MCTP2: variants seen among roughly 807,000 people sequenced by gnomAD.
MCTP2 encodes multiple C2 and transmembrane domain-containing protein 2.
In MCTP2, 132 loss-of-function variants were observed where a neutral mutation model predicts 111.6. The ratio of observed to expected loss-of-function variants is 1.18; its 90% confidence interval spans 1.03 to 1.37. The LOEUF is 1.37. Among genes scored for constraint, MCTP2 ranks in the 40% most tolerant of loss-of-function variants. The pLI is 0.00. For synonymous variants in MCTP2, 395 were observed against 387.7 expected, an observed-to-expected ratio of 1.02 and a Z score of -0.22; for missense variants, 1,183 against 1,067.9, an observed-to-expected ratio of 1.11 and a Z score of -1.50.
Position 94,356,045 on chromosome 15 carries a change from T to A in MCTP2, c.1006-92T>A, listed in dbSNP as rs2078604145. 1.5e-5 allele frequency: 21 copies of A among 1,406,572 alleles called. No homozygotes were observed. The South Asian group carries it at 4.0e-4, about 27-fold the overall frequency. The allele number at this position is 1,406,572 out of a possible 1,614,324, so 87.1% of individuals were successfully genotyped here. On this transcript the variant is annotated intron_variant, in intron 8 of 22. Transcript: ENST00000357742. ...AGGCAGGGAGGAATTTTTTTTATAA[T>A]TAAATACTGAAAGTTGGAATTCCTA... is the stretch of plus-strand genomic sequence containing the variant.
intron 2 of MCTP2, among the ~76,000 whole-genome samples, chr15:94,305,889 GT>G (rs1332849751): frequency 2.6e-5 from 4 of 152,046 alleles, no homozygotes; most frequent in Non-Finnish European, 5.9e-5. Context: ...TTCTTATCTA[GT>G]TTTTTTCTCC....
intron 17 of MCTP2, among the ~76,000 whole-genome samples, chr15:94,436,339 G>T (rs1343652997): frequency 6.6e-6 from 1 of 152,020 alleles, no homozygotes; most frequent in Non-Finnish European, 1.5e-5. Context: ...TTCTTTCTTT[G>T]AAGATGCTTA....
In MCTP2 at chr15:94,462,019, G is replaced by A. The variant is rs116724843; in HGVS notation, c.2360+3773G>A. 5.3e-3 allele frequency among the ~76,000 whole-genome samples: 801 copies of A among 152,314 alleles called. 4 individuals carry two copies. Among genetic ancestry groups the A allele is most frequent in the African/African-American group, 0.018 (732 of 41,554 alleles). On this transcript the variant is annotated intron_variant, in intron 20 of 22. Transcript: ENST00000357742. Reference sequence around the variant, plus strand: ...ATGTGAAGGAAAGCCTTTAGTAGAAGACAGGACAAAATAAGAACCTACAGC... The same window carrying A: ...ATGTGAAGGAAAGCCTTTAGTAGAAAACAGGACAAAATAAGAACCTACAGC...
intron 1 of MCTP2, among the ~76,000 whole-genome samples, chr15:94,274,512 C>T (rs1458077570): frequency 2.0e-5 from 3 of 151,816 alleles, no homozygotes; most frequent in Non-Finnish European, 4.4e-5. Flanking sequence ...AAGCATATTA[C>T]CAATATGAGC....
intron 19 of MCTP2, among the ~76,000 whole-genome samples, chr15:94,450,345 C>CGT (rs894783243): frequency 1.3e-5 from 2 of 152,006 alleles, no homozygotes; most frequent in South Asian, 2.1e-4. Context: ...TGTGTGTGTG[C>CGT]GTGTGTGTGT....
chr15:94,418,535 T>C (rs1287087048), intron 17 of MCTP2, among the ~76,000 whole-genome samples: 2 of 152,158 alleles, frequency 1.3e-5, no homozygotes, highest in East Asian at 3.8e-4. Context: ...CCTGAAATTA[T>C]GATCATTCTA....
chr15:94,414,682 T>C (rs993315789), intron 17 of MCTP2, among the ~76,000 whole-genome samples: 5 of 152,140 alleles, frequency 3.3e-5, no homozygotes, highest in Admixed American at 2.6e-4. Flanking sequence ...CTTTGCTTTC[T>C]TTTGCATATT....
chr15:94,427,277 C>T (rs1359235093), intron 17 of MCTP2, among the ~76,000 whole-genome samples: 2 of 152,112 alleles, frequency 1.3e-5, no homozygotes, highest in Non-Finnish European at 2.9e-5. Context: ...GTGTTCTGTA[C>T]AGTGAATTGA....
intron 2 of MCTP2, among the ~76,000 whole-genome samples, chr15:94,305,737 G>A (rs980072214): frequency 2.6e-5 from 4 of 152,174 alleles, no homozygotes; most frequent in African/African-American, 9.7e-5. Context: ...AAGAAATTTA[G>A]TTGTGTTGGG....
At chr15:94,301,380 C>A (rs899891373) in intron 2 of MCTP2, among the ~76,000 whole-genome samples, 1 of 152,190 alleles carries the variant, frequency 6.6e-6, no homozygotes, top group Non-Finnish European at 1.5e-5. Context: ...TGTCCCACTA[C>A]CCAGTCTGAG....
At chr15:94,271,754 C>G (rs572748324) in intron 1 of MCTP2, among the ~76,000 whole-genome samples, 2 of 152,058 alleles carry the variant, frequency 1.3e-5, no homozygotes, top group African/African-American at 2.4e-5. Flanking sequence ...AAAAATTTGT[C>G]TGGATTTTAT....
intron 2 of MCTP2, among the ~76,000 whole-genome samples, chr15:94,301,691 A>G (rs371125935): frequency 6.6e-6 from 1 of 152,186 alleles, no homozygotes; most frequent in East Asian, 1.9e-4. Context: ...TCTTTAGTTT[A>G]TGATTTAATT....
intron 19 of MCTP2, 104 bp downstream of exon 19, chr15:94,443,064 T>TA (rs5814641): frequency 2.6e-6 from 2 of 774,072 alleles, no homozygotes; most frequent in South Asian, 1.9e-5. Flanking sequence ...TTTTTTTTTT[T>TA]AATATGATAG....
At chr15:94,250,029 G>T (rs2072299119) in intron 1 of MCTP2, among the ~76,000 whole-genome samples, 1 of 151,764 alleles carries the variant, frequency 6.6e-6, no homozygotes, top group Non-Finnish European at 1.5e-5. Context: ...GAAAAAATCA[G>T]CCATCAGTGA....
intron 2 of MCTP2, among the ~76,000 whole-genome samples, chr15:94,303,614 C>T (rs1022966137): frequency 7.2e-5 from 11 of 152,156 alleles, no homozygotes; most frequent in African/African-American, 9.7e-5. Flanking sequence ...TTCACTGTCA[C>T]GAGAACAGCA....
intron 1 of MCTP2, among the ~76,000 whole-genome samples, chr15:94,239,639 C>T (rs1198207199): frequency 6.6e-6 from 1 of 152,210 alleles, no homozygotes; most frequent in Non-Finnish European, 1.5e-5. Context: ...AAGTTGCCTT[C>T]AGCATTTTAG....
intron 4 of MCTP2, among the ~76,000 whole-genome samples, chr15:94,338,890 C>T (rs1164636069): frequency 1.3e-5 from 2 of 152,186 alleles, no homozygotes; most frequent in African/African-American, 4.8e-5. Flanking sequence ...GTTGAATCAG[C>T]CATCTGGCTA....
At chr15:94,321,289 A>G (rs1426821742) in intron 4 of MCTP2, among the ~76,000 whole-genome samples, 2 of 152,236 alleles carry the variant, frequency 1.3e-5, no homozygotes, top group Non-Finnish European at 2.9e-5. Flanking sequence ...ATATTTCAAA[A>G]TAGAAGAGAA....
intron 14 of MCTP2, among the ~76,000 whole-genome samples, chr15:94,387,097 T>C (rs1254061571): frequency 3.3e-5 from 5 of 151,890 alleles, no homozygotes; most frequent in Admixed American, 2.0e-4. Context: ...TCTTCCTTTT[T>C]CTCTCCTTCC....
Sources: allele counts gnomAD v4.1 joint callset (sites outside exome capture counted in the v4.1 genomes callset), GRCh38; gene constraint gnomAD v4.1.1; transcripts MANE v1.5; gene names NCBI Gene and HGNC (gene_info 2026-07-23, HGNC 2026-07-21).